The following FAM234B variants were observed in gnomAD, a reference collection of about 807,000 sequenced individuals.
The protein encoded by FAM234B is family with sequence similarity 234 member B, also known as protein FAM234B.
A neutral mutation model predicts 69.3 loss-of-function variants in FAM234B; 33 were observed. The ratio of observed to expected loss-of-function variants is 0.48; its 90% confidence interval spans 0.36 to 0.64. FAM234B has a LOEUF of 0.64. Ranked by LOEUF, FAM234B falls within the 30% of genes least tolerant of loss-of-function variation. The pLI is 0.00. For synonymous variants in FAM234B, 306 were observed against 306.9 expected (o/e 1.00, Z 0.03); for missense variants, 697 against 769.7 (o/e 0.91, Z 1.12).
chr12:13,077,738 G>A (rs539395602), intron 11 of FAM234B, among the ~76,000 whole-genome samples: 23 of 152,230 alleles, frequency 1.5e-4, no homozygotes, highest in Non-Finnish European at 1.5e-4. Flanking sequence ...ATATACGTGT[G>A]CATGTGTCTT....
At chr12:13,070,913 C>T (rs992680976) in intron 9 of FAM234B, among the ~76,000 whole-genome samples, 2 of 152,108 alleles carry the variant, frequency 1.3e-5, no homozygotes, top group African/African-American at 2.4e-5. Context: ...GTGGACAATC[C>T]GCGTGTCCAC....
intron 9 of FAM234B, among the ~76,000 whole-genome samples, chr12:13,070,171 AGATATATATAT>A (rs2120491789): frequency 2.5e-5 from 2 of 78,818 alleles, no homozygotes; most frequent in East Asian, 2.7e-4. Context: ...AATTAAAAAA[AGATATATATAT>A]ATATATATAT....
intron 1 of FAM234B, among the ~76,000 whole-genome samples, chr12:13,045,152 G>A (rs892469812): frequency 6.6e-6 from 1 of 151,884 alleles, no homozygotes; most frequent in Non-Finnish European, 1.5e-5. Context: ...CTTTAAGGCA[G>A]CATTAGGGGT....
chr12:13,054,056 G>A (rs1187531244), intron 1 of FAM234B, among the ~76,000 whole-genome samples: 1 of 152,120 alleles, frequency 6.6e-6, no homozygotes, highest in African/African-American at 2.4e-5. Flanking sequence ...CCTGAAAATC[G>A]CTGTTATTCT....
chr12:13,074,016 A>G (rs1249628778), intron 10 of FAM234B, among the ~76,000 whole-genome samples: 4 of 152,192 alleles, frequency 2.6e-5, no homozygotes, highest in Non-Finnish European at 5.9e-5. Flanking sequence ...TTCACCACAA[A>G]TTTGATGCAT....
intron 3 of FAM234B, 67 bp from the exon 4 acceptor site, chr12:13,061,508 T>C (rs1864981901): frequency 7.1e-7 from 1 of 1,400,344 alleles, no homozygotes; most frequent in South Asian, 1.4e-5. Context: ...TTCTGGCCTC[T>C]TGTTCATCTC....
intron 5 of FAM234B, among the ~76,000 whole-genome samples, chr12:13,065,190 T>C (rs181900524): frequency 1.1e-3 from 170 of 152,330 alleles, no homozygotes; most frequent in African/African-American, 3.9e-3. Flanking sequence ...TTCATTCCCA[T>C]AGAGCTACTG....
At chr12:13,051,330 A>G (rs1413812469) in intron 1 of FAM234B, among the ~76,000 whole-genome samples, 2 of 152,216 alleles carry the variant, frequency 1.3e-5, no homozygotes, top group East Asian at 3.8e-4. Flanking sequence ...TTTATTAATG[A>G]TTTCACTTTG....
chr12:13,062,784 C>T (rs947356392), intron 4 of FAM234B, 61 bp from the exon 5 acceptor site: 7 of 1,570,534 alleles, frequency 4.5e-6, no homozygotes, highest in Admixed American at 3.5e-5. Flanking sequence ...GGGAACATGG[C>T]ATCTGCCTTT....
At chr12:13,066,541 C>A in intron 5 of FAM234B, 99 bp from the exon 6 acceptor site, 1 of 1,315,794 alleles carries the variant, frequency 7.6e-7, no homozygotes, top group Non-Finnish European at 1.0e-6. Flanking sequence ...TGTTTCTGAG[C>A]CCGTGGCTTA....
At chr12:13,047,141 T>C (rs183025745) in intron 1 of FAM234B, among the ~76,000 whole-genome samples, 1 of 152,310 alleles carries the variant, frequency 6.6e-6, no homozygotes, top group Admixed American at 6.5e-5. Flanking sequence ...AGTCTTGTTA[T>C]GAAAGAGCAG....
intron 11 of FAM234B, among the ~76,000 whole-genome samples, chr12:13,076,641 A>G (rs1455795463): frequency 2.6e-5 from 4 of 152,256 alleles, no homozygotes; most frequent in African/African-American, 9.6e-5. Context: ...GAAAGAAGAA[A>G]AATCAAAGGA....
chr12:13,075,922 G>A, intron 10 of FAM234B, 104 bp from the exon 11 acceptor site: 12 of 827,542 alleles, frequency 1.5e-5, no homozygotes, highest in South Asian at 1.1e-4. Context: ...GCATCTGAGA[G>A]GAATGAGTAA....
At chr12:13,071,199 T>C in intron 9 of FAM234B, 42 bp from the exon 10 acceptor site, 16 of 1,606,710 alleles carry the variant, frequency 1.0e-5, no homozygotes, top group Non-Finnish European at 1.4e-5. Context: ...TGCTGCTTTT[T>C]TGAGGCCTGG....
chr12:13,080,282 G>A (rs1182284700), intron 12 of FAM234B, among the ~76,000 whole-genome samples: 1 of 152,170 alleles, frequency 6.6e-6, no homozygotes, highest in Non-Finnish European at 1.5e-5. Flanking sequence ...ACTGACAGGG[G>A]TGGCTACGAC....
chr12:13,055,225 T>A (rs368903217), intron 1 of FAM234B, among the ~76,000 whole-genome samples: 4 of 152,384 alleles, frequency 2.6e-5, no homozygotes, highest in African/African-American at 9.6e-5. Context: ...GATCTTTTTC[T>A]TGAGTGAGAT....
Position 13,082,450 on chromosome 12 carries a change from C to T in FAM234B, c.*1820C>T, listed in dbSNP as rs1865246226. The T allele has an allele frequency of 6.6e-6, 1 of 152,218 alleles. No individual in the cohort carries two copies. The highest frequency in any genetic ancestry group is 2.1e-4 in the South Asian group (1 of 4,828). The allele number at this position is 152,218 out of a possible 1,614,324, so 9.4% of individuals were successfully genotyped here. On this transcript the variant is annotated 3_prime_UTR_variant, in exon 13 of 13. Transcript: ENST00000197268. ...GGCCTTATCAGGTTTCTGGGTGCCTCTGCCTTAAGATCCTGAAGGCAAATT... is the reference window on the plus strand; with the variant it reads ...GGCCTTATCAGGTTTCTGGGTGCCTTTGCCTTAAGATCCTGAAGGCAAATT...
chr12:13,058,304 A>G (rs925136702), intron 2 of FAM234B, 147 bp from the exon 3 acceptor site: 1 of 696,634 alleles, frequency 1.4e-6, no homozygotes, highest in Non-Finnish European at 2.6e-6. Context: ...TTTTCCATGC[A>G]CTTAGCAGGG....
In FAM234B at chr12:13,061,721, ACAGGGACACACAAGATGCT is replaced by A; in HGVS notation, c.683_701del (p.Gly228AlafsTer14). ...CTTGGCTGAAACCATCTGCCTTGTG[ACAGGGACACACAAGATGCT>A]CAGCGCATTCAATGCAACGTCAGGT... On this transcript the variant is annotated frameshift_variant, in exon 4 of 13. Coordinates refer to ENST00000197268, the MANE Select transcript of FAM234B (RefSeq NM_020853.2). LOFTEE classifies it high-confidence loss of function. 1 of 1,614,092 alleles carries A rather than the reference ACAGGGACACACAAGATGCT, an allele frequency of 6.2e-7. No homozygotes were observed. Among genetic ancestry groups the A allele is most frequent in the Non-Finnish European group, 8.5e-7 (1 of 1,180,008 alleles).
Sources: gnomAD v4.1 joint callset for allele counts (sites outside exome capture counted in the v4.1 genomes callset) on GRCh38, gnomAD v4.1.1 for gene constraint, MANE v1.5 for transcripts, NCBI Gene and HGNC (gene_info 2026-07-23, HGNC 2026-07-21) for gene names.